Variants in SHB observed in about 807,000 individuals in gnomAD.
The protein encoded by SHB is SH2 domain-containing adapter protein B.
Under a neutral mutation model 52.3 loss-of-function variants are expected in SHB, and 20 were observed. That is an observed-to-expected ratio of 0.38 (90% CI 0.27 to 0.56). SHB has a LOEUF of 0.56. SHB is among the 20% of genes least tolerant of loss of function. The pLI is 0.71. For synonymous variants in SHB, 397 were observed against 316.5 expected (o/e 1.25, Z -2.70); for missense variants, 825 against 723.3 (o/e 1.14, Z -1.61).
At chr9:37,934,225 T>G (rs981044876) in intron 5 of SHB, among the ~76,000 whole-genome samples, 1 of 152,194 alleles carries the variant, frequency 6.6e-6, no homozygotes, top group East Asian at 1.9e-4. Flanking sequence ...CAGGGTCTTA[T>G]TGACATGCAA....
chr9:38,003,929 C>A (rs888952031), intron 2 of SHB, among the ~76,000 whole-genome samples: 3 of 152,070 alleles, frequency 2.0e-5, no homozygotes, highest in Non-Finnish European at 4.4e-5. Context: ...TGCTGGGGGC[C>A]TCCTGGCTCC....
chr9:37,977,716 G>A (rs1820672488), intron 2 of SHB, among the ~76,000 whole-genome samples: 1 of 152,210 alleles, frequency 6.6e-6, no homozygotes, highest in Non-Finnish European at 1.5e-5. Flanking sequence ...CTCATCACCT[G>A]TATTCGTCTT....
chr9:38,002,219 T>C (rs1053594357), intron 2 of SHB, among the ~76,000 whole-genome samples: 3 of 152,218 alleles, frequency 2.0e-5, no homozygotes, highest in South Asian at 2.1e-4. Context: ...TAAATATAAA[T>C]GGTGATAGCA....
chr9:38,041,185 A>G (rs1283500709), intron 1 of SHB, among the ~76,000 whole-genome samples: 1 of 152,138 alleles, frequency 6.6e-6, no homozygotes, highest in South Asian at 2.1e-4. Flanking sequence ...TTTCCCCTTC[A>G]TGCCTGATAC....
chr9:38,063,442 C>T (rs1333201213), intron 1 of SHB, among the ~76,000 whole-genome samples: 1 of 152,272 alleles, frequency 6.6e-6, no homozygotes, highest in Non-Finnish European at 1.5e-5. Context: ...CTCCAGCCTC[C>T]AGGCCATGGC....
intron 2 of SHB, among the ~76,000 whole-genome samples, chr9:37,998,683 G>A (rs1820978715): frequency 6.6e-6 from 1 of 152,182 alleles, no homozygotes; most frequent in African/African-American, 2.4e-5. Flanking sequence ...AAACTCTTGA[G>A]CTCAAGCTAT....
chr9:38,010,785 C>G, intron 2 of SHB, among the ~76,000 whole-genome samples: 1 of 152,170 alleles, frequency 6.6e-6, no homozygotes, highest in East Asian at 1.9e-4. Flanking sequence ...TCCAACACAG[C>G]CCGGCCTGGA....
At chr9:37,932,107 C>A (rs908405005) in intron 5 of SHB, among the ~76,000 whole-genome samples, 2 of 151,736 alleles carry the variant, frequency 1.3e-5, no homozygotes, top group Non-Finnish European at 2.9e-5. Flanking sequence ...CACGATGAAA[C>A]CCCGTCTCTA....
At chr9:38,044,563 C>G (rs372826455) in intron 1 of SHB, among the ~76,000 whole-genome samples, 25 of 152,292 alleles carry the variant, frequency 1.6e-4, no homozygotes, top group African/African-American at 5.8e-4. Context: ...ATCACTCCCA[C>G]CTGCCACTGA....
chr9:37,999,181 G>A (rs985636936), intron 2 of SHB, among the ~76,000 whole-genome samples: 3 of 152,204 alleles, frequency 2.0e-5, no homozygotes, highest in Non-Finnish European at 4.4e-5. Flanking sequence ...GGAACCCAGT[G>A]GAGATCTCTG....
chr9:38,054,020 G>A (rs1821782481), intron 1 of SHB, among the ~76,000 whole-genome samples: 1 of 152,002 alleles, frequency 6.6e-6, no homozygotes, highest in African/African-American at 2.4e-5. Flanking sequence ...AGAGTGAATG[G>A]TCAGGAAACA....
intron 1 of SHB, among the ~76,000 whole-genome samples, chr9:38,027,907 G>C (rs1045949194): frequency 6.6e-6 from 1 of 151,900 alleles, no homozygotes; most frequent in African/African-American, 2.4e-5. Flanking sequence ...CTCCTGGAGA[G>C]GGATGGAGCT....
intron 5 of SHB, among the ~76,000 whole-genome samples, chr9:37,947,835 G>A (rs530638111): frequency 6.6e-6 from 1 of 152,352 alleles, no homozygotes; most frequent in South Asian, 2.1e-4. Flanking sequence ...GCTTCTGGGG[G>A]ATCTGTGCTG....
At chr9:37,982,883 T>C (rs1048286117) in intron 2 of SHB, among the ~76,000 whole-genome samples, 1 of 152,238 alleles carries the variant, frequency 6.6e-6, no homozygotes, top group Admixed American at 6.5e-5. Context: ...TGTTCTTTAC[T>C]TCTTTACCTT....
chr9:37,998,330 C>T (rs1820974656), intron 2 of SHB, among the ~76,000 whole-genome samples: 1 of 152,162 alleles, frequency 6.6e-6, no homozygotes, highest in Admixed American at 6.5e-5. Flanking sequence ...GTAAACTTCC[C>T]AGAACTGCAG....
intron 1 of SHB, among the ~76,000 whole-genome samples, chr9:38,052,085 C>T (rs1213791627): frequency 6.6e-6 from 1 of 152,180 alleles, no homozygotes; most frequent in East Asian, 1.9e-4. Flanking sequence ...TTTCTAACTG[C>T]CATCATTTGC....
At chr9:38,039,672 C>T (rs1161241860) in intron 1 of SHB, among the ~76,000 whole-genome samples, 2 of 152,268 alleles carry the variant, frequency 1.3e-5, no homozygotes, top group East Asian at 3.8e-4. Flanking sequence ...GGCAGTAAAA[C>T]ACGTAGCAAA....
intron 3 of SHB, among the ~76,000 whole-genome samples, chr9:37,961,406 A>G (rs773038878): frequency 2.0e-5 from 3 of 151,548 alleles, no homozygotes; most frequent in Non-Finnish European, 4.4e-5. Context: ...CAGAGAGTAA[A>G]CTCCAAAAAG....
intron 1 of SHB, among the ~76,000 whole-genome samples, chr9:38,058,231 G>C (rs989810350): frequency 3.3e-5 from 5 of 152,268 alleles, no homozygotes; most frequent in Non-Finnish European, 4.4e-5. Context: ...CTTCCTGACG[G>C]TTTTCCCCAT....
Sources: gnomAD v4.1 joint callset for allele counts (sites outside exome capture counted in the v4.1 genomes callset) on GRCh38, gnomAD v4.1.1 for gene constraint, MANE v1.5 for transcripts, NCBI Gene and HGNC (gene_info 2026-07-23, HGNC 2026-07-21) for gene names.